The following LTBP4 variants were observed in gnomAD, a reference collection of about 807,000 sequenced individuals.
The protein encoded by LTBP4 is latent transforming growth factor beta binding protein 4.
A neutral mutation model predicts 180.2 loss-of-function variants in LTBP4; 93 were observed. The ratio of observed to expected loss-of-function variants is 0.52; its 90% CI spans 0.44 to 0.61. LTBP4 has a LOEUF of 0.61. Among genes scored for constraint, LTBP4 ranks in the 20% least tolerant of loss-of-function variants. LTBP4 has a pLI of 0.00. For missense variants in LTBP4, 2,116 were observed against 2,256.5 expected (o/e 0.94, Z 1.26); for synonymous variants, 947 against 934.5 (o/e 1.01, Z -0.24).
intron 18 of LTBP4, 69 bp downstream of exon 18, chr19:40,614,107 C>T (rs2081529479): frequency 6.3e-7 from 1 of 1,589,696 alleles, no homozygotes. Context: ...GGCCTCCCAC[C>T]TCTGTCTTTC....
intron 19 of LTBP4, among the ~76,000 whole-genome samples, chr19:40,615,586 C>T (rs1193028036): frequency 2.0e-5 from 3 of 152,134 alleles, no homozygotes; most frequent in African/African-American, 2.4e-5. Flanking sequence ...GGTGAAACCC[C>T]GTCTCTACTA....
chr19:40,607,958 T>C (rs1490649112), intron 7 of LTBP4, among the ~76,000 whole-genome samples: 1 of 152,178 alleles, frequency 6.6e-6, no homozygotes, highest in Non-Finnish European at 1.5e-5. Context: ...AGCCTCCAAC[T>C]CTGTCCCTGT....
Position 40,617,001 on chromosome 19 carries a change from G to T in LTBP4, c.2925G>T (p.Thr975=). 6 of 1,613,462 alleles carry T rather than the reference G, an allele frequency of 3.7e-6. No homozygotes were observed. Among genetic ancestry groups the T allele is most frequent in the Non-Finnish European group, 5.1e-6 (6 of 1,179,384 alleles). Residue 975 remains threonine (T), a synonymous_variant, in exon 20 of 30, where the codon ACG becomes ACT. Coordinates refer to ENST00000396819, the MANE Select transcript of LTBP4 (RefSeq NM_001042545.2). ...CCTGTGACCCTGGCTATCAGCCCAC[G>T]CCAGGGGGCGGATGCCAGGGTGGGT... ...TPACDPGYQP[T]PGGGCQDVDE...
chr19:40,612,216 C>T, intron 15 of LTBP4, 24 bp downstream of exon 15: 1 of 1,573,776 alleles, frequency 6.4e-7, no homozygotes, highest in East Asian at 2.3e-5. Context: ...CTGGCTGTGA[C>T]CTTGGGCCTG....
At chr19:40,597,283 T>C (rs1409829941), upstream of LTBP4, 12 of 1,522,580 alleles carry the variant, frequency 7.9e-6, no homozygotes, top group Non-Finnish European at 1.1e-5. Flanking sequence ...GCTGGTGCTG[T>C]TGCTGCCGCT....
chr19:40,623,756 C>A (rs1293866656), intron 25 of LTBP4, 24 bp downstream of exon 25: 10 of 1,613,272 alleles, frequency 6.2e-6, no homozygotes, highest in Non-Finnish European at 8.5e-6. Context: ...CTCCCCCAAC[C>A]CCCGGCAACT....
intron 26 of LTBP4, among the ~76,000 whole-genome samples, chr19:40,625,008 C>G (rs1404368333): frequency 6.6e-6 from 1 of 151,032 alleles, no homozygotes; most frequent in Non-Finnish European, 1.5e-5. Context: ...TCGTTTCTGA[C>G]TATTTTCCTA....
Position 40,609,808 on chromosome 19 carries a change from G to A in LTBP4, c.1621G>A (p.Gly541Ser). The change falls in exon 11 of 30, where the codon GGC becomes AGC. Residue 541 changes from glycine (G) to serine (S), a missense_variant. Gly to Ser is a moderately conservative substitution (Grantham distance 56). Coordinates refer to ENST00000396819, the MANE Select transcript of LTBP4 (RefSeq NM_001042545.2). This position sits in a 1 kb window ranked among gnomAD's most constrained non-coding sequence, Gnocchi z 4.9. The stretch of plus-strand genomic sequence containing the variant: ...TCCCGGGCGCTGCGAGAACTCACCA[G>A]GCAGCTTCCGCTGCGTGTGCGGCCC... The part of the protein sequence containing the change: ...CAPGRCENSP[G>S]SFRCVCGPGF... 1.2e-6 allele frequency: 2 copies of A among 1,608,620 alleles called. No individual in the cohort carries two copies. Among genetic ancestry groups the A allele is most frequent in the Non-Finnish European group, 1.7e-6 (2 of 1,177,298 alleles).
rs367744088 is a variant in LTBP4, at chr19:40,627,273, C to T, written c.4284C>T (p.Gly1428=). Reference sequence around the variant, plus strand: ...AGGCTCCTGCGCCACCTGGCCCGGGCACCCGCTGGCCCTATCGGTCCCGGG... The same window carrying T: ...AGGCTCCTGCGCCACCTGGCCCGGGTACCCGCTGGCCCTATCGGTCCCGGG... ...ESEAPAPPGP[G]TRWPYRSRDT... is the part of the protein sequence containing the mutation. The change falls in exon 28 of 30, where the codon GGC becomes GGT. Residue 1428 remains glycine (G), a synonymous_variant. Coordinates refer to ENST00000396819, the MANE Select transcript of LTBP4 (RefSeq NM_001042545.2). 177 of 1,554,766 alleles carry T rather than the reference C, an allele frequency of 1.1e-4. 1 individual carries two copies. The highest frequency in any genetic ancestry group is 1.0e-4 in the Non-Finnish European group (116 of 1,154,530).
chr19:40,621,243 C>G (rs2081584467), intron 22 of LTBP4, among the ~76,000 whole-genome samples: 1 of 152,060 alleles, frequency 6.6e-6, no homozygotes, highest in Non-Finnish European at 1.5e-5. Context: ...ATGCTCGGCC[C>G]AACAGCCAGT....
intron 19 of LTBP4, among the ~76,000 whole-genome samples, chr19:40,614,719 C>T (rs1012633531): frequency 2.6e-5 from 4 of 152,120 alleles, no homozygotes; most frequent in Non-Finnish European, 5.9e-5. Context: ...CAGTAAGACA[C>T]CGCCCCAAAA....
Position 40,626,051 on chromosome 19 carries a change from A to G in LTBP4, c.3985+42A>G, listed in dbSNP as rs775510724. ...AGGCTGAACTCAGAGGCCTTGCCCC[A>G]TGGGCTCCAAATCTAGGCCCTCAGA... On this transcript the variant is annotated intron_variant, in intron 27 of 29. Coordinates refer to ENST00000396819, the MANE Select transcript of LTBP4 (RefSeq NM_001042545.2). 20 of 1,535,234 alleles carry G rather than the reference A, an allele frequency of 1.3e-5. No homozygotes were observed. The African/African-American group carries it at 2.5e-4, about 19-fold the overall frequency.
At chr19:40,614,204 C>A in intron 18 of LTBP4, 111 bp from the exon 19 acceptor site, 4 of 1,462,164 alleles carry the variant, frequency 2.7e-6, no homozygotes, top group East Asian at 2.3e-5. Flanking sequence ...TCTTCTCCTG[C>A]CCTCTCCTCT....
upstream of LTBP4, chr19:40,597,109 G>C (rs1335780324): frequency 6.3e-6 from 6 of 956,710 alleles, no homozygotes; most frequent in Non-Finnish European, 8.2e-6. Context: ...CGCAGCCCGT[G>C]GCTGGACTGT....
chr19:40,604,951 T>C (rs2081447798), intron 1 of LTBP4, 84 bp from the exon 2 acceptor site: 15 of 1,279,962 alleles, frequency 1.2e-5, no homozygotes, highest in Non-Finnish European at 1.6e-5. Context: ...GACTTAGAAA[T>C]GAATGATACC....
intron 1 of LTBP4, among the ~76,000 whole-genome samples, chr19:40,601,862 A>G (rs1418838558): frequency 2.0e-5 from 3 of 152,038 alleles, no homozygotes; most frequent in Admixed American, 6.5e-5. Context: ...GAGGCCTGTG[A>G]TGTCCCACGT....
rs780669494 is a variant in LTBP4 at position 40,605,869 on chromosome 19, G to C, written c.793+38G>C. On this transcript the variant is annotated intron_variant, in intron 4 of 29. Transcript: ENST00000396819. The surrounding 1 kb of genome is among the most constrained non-coding windows in gnomAD (Gnocchi z 5.5). ...ACGTCCCCGAAGTGCTCGGAGCTGG[G>C]GAGTGGTGACAACCTCACCGTTCCT... The C allele has an allele frequency of 6.5e-7, 1 of 1,527,014 alleles. No individual in the cohort carries two copies. Among genetic ancestry groups the C allele is most frequent in the African/African-American group, 1.4e-5 (1 of 72,758 alleles). 94.6% of individuals were successfully genotyped at this position (1,527,014 alleles called of 1,614,324 possible).
chr19:40,597,888 C>G (rs1044678478), upstream of LTBP4, among the ~76,000 whole-genome samples: 2 of 136,478 alleles, frequency 1.5e-5, no homozygotes, highest in Admixed American at 7.5e-5. Flanking sequence ...TAGACTCTTG[C>G]GTTGATGGTG....
At chr19:40,602,785 C>A (rs1229825813) in intron 1 of LTBP4, among the ~76,000 whole-genome samples, 1 of 152,166 alleles carries the variant, frequency 6.6e-6, no homozygotes, top group Non-Finnish European at 1.5e-5. Context: ...TAGTGGCCCA[C>A]CCTGGGTGTA....
Sources: gnomAD v4.1 joint callset for allele counts (sites outside exome capture counted in the v4.1 genomes callset) on GRCh38, gnomAD v4.1.1 for gene constraint, Gnocchi (gnomAD v3.1) non-coding constraint, MANE v1.5 for transcripts, NCBI Gene and HGNC (gene_info 2026-07-23, HGNC 2026-07-21) for gene names.